The following DPP6 variants were observed in gnomAD, a reference collection of about 807,000 sequenced individuals.
DPP6 encodes A-type potassium channel modulatory protein DPP6.
Under a neutral mutation model 122.6 loss-of-function variants are expected in DPP6, and 69 were observed. That is an observed-to-expected ratio of 0.56 (90% CI 0.46 to 0.69). DPP6 has a LOEUF of 0.69. DPP6 is among the 30% of genes least tolerant of loss of function. DPP6 has a pLI of 0.00. For synonymous variants in DPP6, 418 were observed against 433.1 expected, an observed-to-expected ratio of 0.97 and a Z score of 0.43; for missense variants, 928 against 1,116.9, an observed-to-expected ratio of 0.83 and a Z score of 2.41.
At chr7:154,753,842 C>T (rs191010495) in intron 8 of DPP6, among the ~76,000 whole-genome samples, 8 of 152,280 alleles carry the variant, frequency 5.3e-5, no homozygotes, top group African/African-American at 1.9e-4. Flanking sequence ...GGAGGATGCC[C>T]ATGCCCCTGT....
At chr7:153,944,576 G>A (rs1801851252) in intron 1 of DPP6, among the ~76,000 whole-genome samples, 1 of 152,146 alleles carries the variant, frequency 6.6e-6, no homozygotes, top group African/African-American at 2.4e-5. Context: ...CACACAAGGA[G>A]GAGGCGGGTG....
chr7:154,200,601 C>T (rs1277038648), intron 1 of DPP6, among the ~76,000 whole-genome samples: 1 of 152,112 alleles, frequency 6.6e-6, no homozygotes, highest in Non-Finnish European at 1.5e-5. Flanking sequence ...TAGAAAATGT[C>T]AAAACAGCTG....
At chr7:153,953,710 C>T (rs79325808) in intron 1 of DPP6, among the ~76,000 whole-genome samples, 2 of 152,304 alleles carry the variant, frequency 1.3e-5, no homozygotes, top group East Asian at 3.9e-4. Context: ...TGTTAGTCAG[C>T]ATTCTCCAGA....
intron 7 of DPP6, among the ~76,000 whole-genome samples, chr7:154,694,242 T>C (rs1840088469): frequency 6.6e-6 from 1 of 152,162 alleles, no homozygotes; most frequent in Admixed American, 6.5e-5. Context: ...CACTTCCTAA[T>C]ACCATCCCAT....
At chr7:153,910,696 TCCAC>T (rs1239281497) in intron 1 of DPP6, among the ~76,000 whole-genome samples, 1 of 152,168 alleles carries the variant, frequency 6.6e-6, no homozygotes, top group Non-Finnish European at 1.5e-5. Context: ...ATTTACCTCT[TCCAC>T]CCCTTTCTCC....
intron 3 of DPP6, 98 bp downstream of exon 3, chr7:154,475,135 C>A: frequency 1.1e-6 from 1 of 893,670 alleles, no homozygotes; most frequent in Non-Finnish European, 1.9e-6. Flanking sequence ...GGATTTCCCC[C>A]TTTGGCCACA....
At chr7:154,429,915 C>A (rs1228165782) in intron 1 of DPP6, among the ~76,000 whole-genome samples, 1 of 152,156 alleles carries the variant, frequency 6.6e-6, no homozygotes, top group Non-Finnish European at 1.5e-5. Context: ...TGGTCACCAC[C>A]AGCACAGAGC....
At chr7:154,227,419 T>C (rs963754669) in intron 1 of DPP6, among the ~76,000 whole-genome samples, 4 of 151,786 alleles carry the variant, frequency 2.6e-5, no homozygotes, top group African/African-American at 9.7e-5. Flanking sequence ...AAGTGGGGAG[T>C]TGCTCTTCAG....
At chr7:153,847,448 T>C in the DPP6 span, among the ~76,000 whole-genome samples, 1 of 152,234 alleles carries the variant, frequency 6.6e-6, no homozygotes. Flanking sequence ...ATATTTTACA[T>C]TTCTTTGCAT....
At chr7:153,794,762 A>T in the DPP6 span, among the ~76,000 whole-genome samples, 1 of 152,118 alleles carries the variant, frequency 6.6e-6, no homozygotes, top group Non-Finnish European at 1.5e-5. Flanking sequence ...TGTAGGAGGG[A>T]CCCAGGAGGA....
chr7:154,626,715 G>A (rs1835089733), intron 5 of DPP6, among the ~76,000 whole-genome samples: 1 of 152,206 alleles, frequency 6.6e-6, no homozygotes, highest in African/African-American at 2.4e-5. Flanking sequence ...TATTCCAGGA[G>A]GAGAGAAAGA....
Position 154,403,496 on chromosome 7 carries a change from G to A in DPP6, c.244-42718G>A, listed in dbSNP as rs1262095786. 6.6e-6 allele frequency among the ~76,000 whole-genome samples: 1 copy of A among 152,202 alleles called. No individual in the cohort carries two copies. Among genetic ancestry groups the A allele is most frequent in the African/African-American group, 2.4e-5 (1 of 41,450 alleles). On this transcript the variant is annotated intron_variant, in intron 1 of 25. Coordinates refer to ENST00000377770, the MANE Select transcript of DPP6 (RefSeq NM_130797.4). This position sits in a 1 kb window ranked among gnomAD's most constrained non-coding sequence, Gnocchi z 4.1. ...AGACAGGCTGGGGGGCGCTAATGCA[G>A]CTTTCTCTCCTGGAGCCTCTCATCT...
rs566197078 is a variant in DPP6, at chr7:154,659,863, C to T, written c.681-9497C>T. 2.0e-5 allele frequency among the ~76,000 whole-genome samples: 3 copies of T among 152,322 alleles called. No individual in the cohort carries two copies. In the South Asian group the frequency reaches 6.2e-4, roughly 32 times the overall value. On this transcript the variant is annotated intron_variant, in intron 6 of 25. Coordinates refer to ENST00000377770, the MANE Select transcript of DPP6 (RefSeq NM_130797.4). Reference sequence around the variant, plus strand: ...AAAAGAAAACAATTACCTCTTTGGACTATGGTAGAGTTTATAAATTAATAG... The same window carrying T: ...AAAAGAAAACAATTACCTCTTTGGATTATGGTAGAGTTTATAAATTAATAG...
chr7:154,467,399 C>G (rs955179718), intron 2 of DPP6, among the ~76,000 whole-genome samples: 2 of 152,100 alleles, frequency 1.3e-5, no homozygotes, highest in Non-Finnish European at 2.9e-5. Flanking sequence ...AGCACCATCC[C>G]CCTAGTGCTG....
chr7:154,879,913 C>T (rs1215256348), intron 20 of DPP6, among the ~76,000 whole-genome samples: 1 of 152,228 alleles, frequency 6.6e-6, no homozygotes, highest in Non-Finnish European at 1.5e-5. Flanking sequence ...GTGGAGGGCA[C>T]AGCGCACGCC....
At chr7:154,868,431 G>A (rs990678325) in intron 18 of DPP6, among the ~76,000 whole-genome samples, 8 of 152,162 alleles carry the variant, frequency 5.3e-5, no homozygotes, top group African/African-American at 1.9e-4. Context: ...TTCCCTTTCT[G>A]TGCCATCTGA....
intron 1 of DPP6, among the ~76,000 whole-genome samples, chr7:154,042,398 C>T (rs532700491): frequency 2.0e-5 from 3 of 152,266 alleles, no homozygotes; most frequent in African/African-American, 7.2e-5. Context: ...GAACCATGCT[C>T]ACAGGAAAAT....
chr7:153,819,224 C>T, the DPP6 span, among the ~76,000 whole-genome samples: 1 of 135,038 alleles, frequency 7.4e-6, no homozygotes, highest in Admixed American at 7.7e-5. Context: ...GCTGTTTTCC[C>T]CATTGTCTCC....
intron 7 of DPP6, among the ~76,000 whole-genome samples, chr7:154,673,481 C>A (rs3807221): frequency 6.6e-6 from 1 of 152,098 alleles, no homozygotes; most frequent in Admixed American, 6.5e-5. Context: ...AACATTTCTC[C>A]GGTAGTAATG....
Sources: allele counts gnomAD v4.1 joint callset (sites outside exome capture counted in the v4.1 genomes callset), GRCh38; gene constraint gnomAD v4.1.1; non-coding constraint Gnocchi (gnomAD v3.1); transcripts MANE v1.5; gene names NCBI Gene and HGNC (gene_info 2026-07-23, HGNC 2026-07-21).